TSEN2: variants seen among roughly 807,000 people sequenced by gnomAD.
TSEN2 encodes tRNA-splicing endonuclease subunit Sen2.
Under a neutral mutation model 59.2 loss-of-function variants are expected in TSEN2, and 54 were observed. The ratio of observed to expected loss-of-function variants is 0.91; its 90% CI spans 0.73 to 1.14. The LOEUF is 1.14. Among genes scored for constraint, TSEN2 ranks in the 50% most tolerant of loss-of-function variants. The probability of loss-of-function intolerance (pLI) is 0.00; values close to 1 mark genes in which losing one functional copy is unlikely to be tolerated. For missense variants in TSEN2, 636 were observed against 576.2 expected, an observed-to-expected ratio of 1.10 and a Z score of -1.06; for synonymous variants, 195 against 198.2, an observed-to-expected ratio of 0.98 and a Z score of 0.14.
At position 12,539,207 on chromosome 3, in the gene TSEN2, C is replaced by A; in HGVS notation, c.1307C>A (p.Ser436Ter). The A allele has an allele frequency of 2.4e-6, 1 of 418,984 alleles. No individual in the cohort carries two copies. The highest frequency in any genetic ancestry group is 3.0e-5 in the Admixed American group (1 of 32,958). 26.0% of individuals were successfully genotyped at this position (418,984 alleles called of 1,614,324 possible). ...GGAGTCCAATGCTGCGATCTTGGATCACTGCAACCTCTGCCTGCTGGGTTT... is the reference window on the plus strand; with the variant it reads ...GGAGTCCAATGCTGCGATCTTGGATAACTGCAACCTCTGCCTGCTGGGTTT... The change falls in exon 11 of 11, where the codon TCA (serine) becomes TAA (stop). Residue 436 changes from serine (S) to a stop codon, truncating the protein, a stop_gained. Coordinates refer to the TSEN2 transcript ENST00000412698. LOFTEE classifies it high-confidence loss of function.
intron 6 of TSEN2, among the ~76,000 whole-genome samples, chr3:12,509,648 G>A (rs2055222790): frequency 6.6e-6 from 1 of 152,166 alleles, no homozygotes. Context: ...CTCATTCCCA[G>A]CAAGATTCCC....
At chr3:12,538,193 T>G (rs562718838), downstream of TSEN2, among the ~76,000 whole-genome samples, 30 of 152,368 alleles carry the variant, frequency 2.0e-4, no homozygotes, top group African/African-American at 6.3e-4. Flanking sequence ...TTTAAGGATC[T>G]GTAGCAAGTT....
chr3:12,538,809 T>C (rs917382288), intron 10 of TSEN2: 4 of 162,848 alleles, frequency 2.5e-5, no homozygotes, highest in African/African-American at 9.6e-5. Context: ...CAGTTTCTCA[T>C]CCCAGTTTCC....
chr3:12,530,239 AG>A (rs1189737359), intron 10 of TSEN2: 1 of 1,023,972 alleles, frequency 9.8e-7, no homozygotes, highest in Non-Finnish European at 1.2e-6. Flanking sequence ...TTCACAAAGG[AG>A]TCAAAACATT....
At position 12,503,697 on chromosome 3, in the gene TSEN2, T is replaced by C. The variant is rs1317013984; in HGVS notation, c.744T>C (p.Pro248=). The C allele has an allele frequency of 1.2e-6, 2 of 1,613,022 alleles. No homozygotes were observed. Among genetic ancestry groups the C allele is most frequent in the African/African-American group, 1.3e-5 (1 of 74,912 alleles). The change falls in exon 5 of 12, where the codon CCT becomes CCC. Residue 248 remains proline, a synonymous_variant. Coordinates refer to ENST00000284995, the MANE Select transcript of TSEN2 (RefSeq NM_025265.4). ...GCCAGCACATCGGCCTCCTGCATCC[T>C]GGGGACAGAGGGCCTGACCATGAGT... ...DGSQHIGLLH[P]GDRGPDHEYV...
At chr3:12,536,624 A>G (rs748613424), downstream of TSEN2, among the ~76,000 whole-genome samples, 12 of 152,190 alleles carry the variant, frequency 7.9e-5, no homozygotes, top group Non-Finnish European at 1.8e-4. Context: ...CAGACTGAGC[A>G]ACATTGCCAT....
intron 4 of TSEN2, 103 bp from the exon 5 acceptor site, chr3:12,503,159 G>C (rs988423290): frequency 2.3e-6 from 3 of 1,291,836 alleles, no homozygotes; most frequent in Middle Eastern, 2.4e-4. Flanking sequence ...TAATACTGCT[G>C]TAAACATTTT....
In TSEN2 at chr3:12,522,503, C is replaced by G. The variant is rs571112265; in HGVS notation, c.1099+3306C>G. On this transcript the variant is annotated intron_variant, in intron 8 of 11. Coordinates refer to ENST00000284995, the MANE Select transcript of TSEN2 (RefSeq NM_025265.4). ...GCAAAGGTTCTTGAGCAGTGCTAGT[C>G]TGGGATATGAGGAGCGGCTTCCTAA... Among the ~76,000 whole-genome samples the G allele has an allele frequency of 1.6e-4, 25 of 152,310 alleles. No homozygotes were observed. In the South Asian group the frequency reaches 4.6e-3, roughly 28 times the overall value.
At chr3:12,535,369 G>A (rs1677743010), downstream of TSEN2, among the ~76,000 whole-genome samples, 1 of 152,122 alleles carries the variant, frequency 6.6e-6, no homozygotes, top group South Asian at 2.1e-4. Context: ...GAAATATAGG[G>A]ATGCCTTTTA....
intron 6 of TSEN2, among the ~76,000 whole-genome samples, chr3:12,511,569 C>CTTTT (rs35466636): frequency 1.1e-4 from 15 of 141,116 alleles, no homozygotes; most frequent in Admixed American, 4.2e-4. Flanking sequence ...GATAATTATG[C>CTTTT]TTTTTTTTTT....
chr3:12,494,295 A>C (rs972096569), intron 3 of TSEN2, among the ~76,000 whole-genome samples: 9 of 152,236 alleles, frequency 5.9e-5, no homozygotes, highest in African/African-American at 2.2e-4. Context: ...GGAGATCGCT[A>C]GGATATGCTG....
At chr3:12,489,329 C>G (rs905644) in intron 1 of TSEN2, among the ~76,000 whole-genome samples, 1 of 152,026 alleles carries the variant, frequency 6.6e-6, no homozygotes, top group East Asian at 1.9e-4. Context: ...AATGAAGTGC[C>G]TGCAAGATTT....
At chr3:12,492,460 G>C (rs888166102) in intron 3 of TSEN2, among the ~76,000 whole-genome samples, 1 of 152,190 alleles carries the variant, frequency 6.6e-6, no homozygotes, top group African/African-American at 2.4e-5. Flanking sequence ...TGTTTGCTTA[G>C]CAGAGTACTA....
chr3:12,515,514 A>G (rs1417793932), intron 6 of TSEN2, among the ~76,000 whole-genome samples: 1 of 152,184 alleles, frequency 6.6e-6, no homozygotes, highest in East Asian at 1.9e-4. Context: ...ACCACTGGCT[A>G]CCATTTGGTC....
intron 6 of TSEN2, among the ~76,000 whole-genome samples, chr3:12,512,143 T>C (rs1276082194): frequency 6.6e-6 from 1 of 152,232 alleles, no homozygotes; most frequent in Non-Finnish European, 1.5e-5. Flanking sequence ...GGAAGACACT[T>C]AGCAATGTAT....
intron 4 of TSEN2, 152 bp from the exon 5 acceptor site, chr3:12,503,110 A>G: frequency 1.2e-6 from 1 of 853,490 alleles, no homozygotes; most frequent in Non-Finnish European, 1.9e-6. Flanking sequence ...GCAGAAAAGT[A>G]TAAAGAAGAA....
At chr3:12,518,822 G>A (rs776811847) in intron 7 of TSEN2, among the ~76,000 whole-genome samples, 1 of 151,722 alleles carries the variant, frequency 6.6e-6, no homozygotes, top group African/African-American at 2.4e-5. Context: ...GGCAGGACCA[G>A]ACCTTCTTGC....
Position 12,520,200 on chromosome 3 carries a change from G to A in TSEN2, c.1099+1003G>A, listed in dbSNP as rs535481705. Among the ~76,000 whole-genome samples, 32 of 152,164 alleles carry A rather than the reference G, an allele frequency of 2.1e-4. 1 individual carries two copies. Among genetic ancestry groups the A allele is most frequent in the African/African-American group, 7.2e-4 (30 of 41,542 alleles). ...TTGTTAGTACAGACAAGGTTTCCCC[G>A]TGCCAGCCAGGATGGTCTCGATCTC... is the stretch of plus-strand genomic sequence containing the variant. On this transcript the variant is annotated intron_variant, in intron 8 of 11. Transcript: ENST00000284995.
chr3:12,494,537 A>G (rs1575247284), intron 3 of TSEN2, among the ~76,000 whole-genome samples: 2 of 151,932 alleles, frequency 1.3e-5, no homozygotes, highest in African/African-American at 4.8e-5. Flanking sequence ...AGTAGCTGGG[A>G]TTACAGGTGT....
Sources: allele counts gnomAD v4.1 joint callset (sites outside exome capture counted in the v4.1 genomes callset), GRCh38; gene constraint gnomAD v4.1.1; transcripts MANE v1.5; gene names NCBI Gene and HGNC (gene_info 2026-07-23, HGNC 2026-07-21).